SEMA6D: variants seen among roughly 807,000 people sequenced by gnomAD.
SEMA6D encodes the protein semaphorin-6D.
Under a neutral mutation model 106.6 loss-of-function variants are expected in SEMA6D, and 35 were observed. The observed-to-expected ratio is 0.33, with a 90% confidence interval of 0.25 to 0.44. The LOEUF is 0.44. Ranked by LOEUF, SEMA6D falls within the 20% of genes least tolerant of loss-of-function variation. The pLI, the probability that SEMA6D is intolerant of heterozygous loss-of-function variation, is 1.00. For missense variants in SEMA6D, 1,185 were observed against 1,345.9 expected (o/e 0.88, Z 1.87); for synonymous variants, 499 against 487.7 (o/e 1.02, Z -0.31).
At chr15:47,521,781 T>G (rs943980811) in intron 3 of SEMA6D, among the ~76,000 whole-genome samples, 1 of 152,046 alleles carries the variant, frequency 6.6e-6, no homozygotes, top group Non-Finnish European at 1.5e-5. Flanking sequence ...GTCAGGAGAT[T>G]GAGACCATCC....
chr15:47,773,794 A>C lies in SEMA6D; in HGVS notation c.*2009A>C, dbSNP rs917447423. ...TAAATTAAACCAACCAATGATAAAC[A>C]CTACTCAGTCCACCAACAACAAACG... On this transcript the variant is annotated 3_prime_UTR_variant, in exon 19 of 19. Coordinates refer to ENST00000536845, the MANE Select transcript of SEMA6D (RefSeq NM_001358351.3). 1.3e-4 allele frequency: 20 copies of C among 152,640 alleles called. No homozygotes were observed. The highest frequency in any genetic ancestry group is 4.6e-4 in the African/African-American group (19 of 41,448). 9.5% of individuals were successfully genotyped at this position (152,640 alleles called of 1,614,324 possible).
At chr15:47,348,727 C>CACACACCACACACAGAGAGAGAGAGAG (rs1450109233) in intron 1 of SEMA6D, among the ~76,000 whole-genome samples, 1 of 57,054 alleles carries the variant, frequency 1.8e-5, no homozygotes, top group African/African-American at 5.0e-5. Flanking sequence ...ACCACACACA[C>CACACACCACACACAGAGAGAGAGAGAG]AGAGAGAGAG....
At chr15:47,572,591 A>G (rs116513764) in intron 3 of SEMA6D, among the ~76,000 whole-genome samples, 2,561 of 152,274 alleles carry the variant, frequency 0.017, 70 homozygotes, top group African/African-American at 0.059. Flanking sequence ...GTCAGCCTTC[A>G]GAAACAGGCA....
chr15:47,395,311 T>C (rs960301513), intron 1 of SEMA6D, among the ~76,000 whole-genome samples: 1 of 152,190 alleles, frequency 6.6e-6, no homozygotes, highest in African/African-American at 2.4e-5. Context: ...CATTGGAAAG[T>C]TGTGAAATTT....
intron 3 of SEMA6D, among the ~76,000 whole-genome samples, chr15:47,510,156 G>A (rs184155726): frequency 3.9e-4 from 59 of 152,222 alleles, no homozygotes; most frequent in African/African-American, 1.2e-3. Context: ...GAGGTGAGTG[G>A]CAGGCAAGCA....
At chr15:47,421,972 G>A (rs1247837545) in intron 2 of SEMA6D, among the ~76,000 whole-genome samples, 1 of 152,016 alleles carries the variant, frequency 6.6e-6, no homozygotes, top group Non-Finnish European at 1.5e-5. Flanking sequence ...TTCATAGTGT[G>A]TAATTTTGAT....
intron 3 of SEMA6D, among the ~76,000 whole-genome samples, chr15:47,528,023 C>T (rs1179491983): frequency 6.6e-6 from 1 of 152,156 alleles, no homozygotes; most frequent in African/African-American, 2.4e-5. Flanking sequence ...TTATTTCCAT[C>T]CAGACATGGG....
intron 4 of SEMA6D, among the ~76,000 whole-genome samples, chr15:47,633,693 C>T (rs986263694): frequency 4.6e-5 from 7 of 152,132 alleles, no homozygotes; most frequent in Admixed American, 1.3e-4. Flanking sequence ...AAATGTTCTA[C>T]TTCATTTAAG....
intron 3 of SEMA6D, among the ~76,000 whole-genome samples, chr15:47,471,295 GT>G (rs2042829042): frequency 6.6e-6 from 1 of 152,074 alleles, no homozygotes; most frequent in Non-Finnish European, 1.5e-5. Flanking sequence ...TCTTAGTGAT[GT>G]TTTCAGTTTG....
At chr15:47,439,975 G>T (rs762774636) in intron 2 of SEMA6D, among the ~76,000 whole-genome samples, 1 of 152,124 alleles carries the variant, frequency 6.6e-6, no homozygotes, top group Non-Finnish European at 1.5e-5. Context: ...GGAAATGTCA[G>T]CCTCCAACAT....
chr15:47,204,709 C>A (rs181745436), intron 1 of SEMA6D, among the ~76,000 whole-genome samples: 1 of 151,972 alleles, frequency 6.6e-6, no homozygotes, highest in African/African-American at 2.4e-5. Context: ...TATAGAACTT[C>A]TATAATAGAC....
At chr15:47,598,910 A>T (rs1322774456) in intron 3 of SEMA6D, among the ~76,000 whole-genome samples, 1 of 152,108 alleles carries the variant, frequency 6.6e-6, no homozygotes, top group East Asian at 1.9e-4. Context: ...CTGAGATGAG[A>T]TAGCGACTTA....
At chr15:47,192,593 A>G (rs1029627197) in intron 1 of SEMA6D, among the ~76,000 whole-genome samples, 1 of 152,182 alleles carries the variant, frequency 6.6e-6, no homozygotes, top group Non-Finnish European at 1.5e-5. Flanking sequence ...TTTTCAAAGA[A>G]TAACTATTGA....
chr15:47,281,985 C>T (rs1351188379), intron 1 of SEMA6D, among the ~76,000 whole-genome samples: 1 of 152,120 alleles, frequency 6.6e-6, no homozygotes, highest in African/African-American at 2.4e-5. Context: ...CTTAGTTTTA[C>T]ACTATACCCT....
At chr15:47,409,731 A>G (rs1036857337) in intron 1 of SEMA6D, among the ~76,000 whole-genome samples, 2 of 152,184 alleles carry the variant, frequency 1.3e-5, no homozygotes, top group African/African-American at 4.8e-5. Context: ...AGCTAAGGTT[A>G]AGACCAGTAT....
chr15:47,684,895 G>A (rs547770319), intron 4 of SEMA6D, among the ~76,000 whole-genome samples: 8 of 151,982 alleles, frequency 5.3e-5, no homozygotes, highest in East Asian at 1.9e-4. Context: ...TATTCTATAC[G>A]CCAGGCTCAA....
intron 1 of SEMA6D, among the ~76,000 whole-genome samples, chr15:47,187,362 T>TGTC (rs1336774831): frequency 2.0e-5 from 3 of 152,218 alleles, no homozygotes; most frequent in Non-Finnish European, 4.4e-5. Flanking sequence ...AAGATTTTTA[T>TGTC]GTCTTTCTAT....
At chr15:47,186,900 TTGTC>T (rs1457579900) in intron 1 of SEMA6D, among the ~76,000 whole-genome samples, 1 of 152,232 alleles carries the variant, frequency 6.6e-6, no homozygotes. Flanking sequence ...TTGGTCTCAT[TTGTC>T]AGTCAGCAGT....
At chr15:47,543,361 T>C (rs1336588305) in intron 3 of SEMA6D, among the ~76,000 whole-genome samples, 1 of 152,084 alleles carries the variant, frequency 6.6e-6, no homozygotes, top group Non-Finnish European at 1.5e-5. Context: ...GTTCTCATGA[T>C]AGGGAATAAG....
Sources: allele counts gnomAD v4.1 joint callset (sites outside exome capture counted in the v4.1 genomes callset), GRCh38; gene constraint gnomAD v4.1.1; transcripts MANE v1.5; gene names NCBI Gene and HGNC (gene_info 2026-07-23, HGNC 2026-07-21).